CACNA2D3: variants seen among roughly 807,000 people sequenced by gnomAD.
The protein encoded by CACNA2D3 is voltage-dependent calcium channel subunit alpha-2/delta-3.
In CACNA2D3, 60 loss-of-function variants were observed where a neutral mutation model predicts 160.6. That is an observed-to-expected ratio of 0.37 (90% CI 0.30 to 0.46). The LOEUF (loss-of-function observed/expected upper bound fraction) is 0.46, where lower values mean the gene tolerates loss of function less well. Ranked by LOEUF, CACNA2D3 falls within the 20% of genes least tolerant of loss-of-function variation. The probability of loss-of-function intolerance (pLI) is 1.00; values close to 1 mark genes in which losing one functional copy is unlikely to be tolerated. For missense variants in CACNA2D3, 1,205 were observed against 1,365.0 expected (o/e 0.88, Z 1.85); for synonymous variants, 558 against 492.9 (o/e 1.13, Z -1.75).
intron 14 of CACNA2D3, among the ~76,000 whole-genome samples, chr3:54,821,641 G>GTTTCTTTCT (rs1204861925): frequency 2.0e-4 from 22 of 107,920 alleles, no homozygotes; most frequent in Non-Finnish European, 2.8e-4. Flanking sequence ...AGAGTCTTTC[G>GTTTCTTTCT]TTCTTTCTTT....
At chr3:54,475,477 A>G (rs2106884550) in intron 4 of CACNA2D3, among the ~76,000 whole-genome samples, 1 of 152,306 alleles carries the variant, frequency 6.6e-6, no homozygotes, top group Admixed American at 6.5e-5. Context: ...ATTTATTTAG[A>G]ACAAATGAAG....
chr3:54,192,869 C>A (rs1007947571), intron 2 of CACNA2D3, among the ~76,000 whole-genome samples: 1 of 152,148 alleles, frequency 6.6e-6, no homozygotes, highest in Admixed American at 6.5e-5. Flanking sequence ...CTGCTCATTC[C>A]TCAGGGAGAA....
intron 27 of CACNA2D3, among the ~76,000 whole-genome samples, chr3:54,933,161 A>T (rs1288778216): frequency 1.3e-5 from 2 of 151,798 alleles, no homozygotes; most frequent in Non-Finnish European, 2.9e-5. Flanking sequence ...TAAGAGATAG[A>T]AAAATAAGAA....
chr3:54,268,958 G>A (rs918294045), intron 2 of CACNA2D3, among the ~76,000 whole-genome samples: 1 of 152,212 alleles, frequency 6.6e-6, no homozygotes, highest in African/African-American at 2.4e-5. Context: ...GGAAAGCAGT[G>A]GATGGAGAAG....
At chr3:54,179,339 C>T (rs935821931) in intron 2 of CACNA2D3, among the ~76,000 whole-genome samples, 15 of 152,188 alleles carry the variant, frequency 9.9e-5, no homozygotes, top group Non-Finnish European at 1.8e-4. Context: ...GGCAGTCTTG[C>T]TCTCTTCTGG....
chr3:54,917,362 G>T (rs896880722), intron 27 of CACNA2D3, among the ~76,000 whole-genome samples: 1 of 152,160 alleles, frequency 6.6e-6, no homozygotes, highest in African/African-American at 2.4e-5. Context: ...ATAACATTGA[G>T]GATAGCTGCC....
intron 29 of CACNA2D3, among the ~76,000 whole-genome samples, chr3:54,970,349 A>G (rs1702240301): frequency 1.3e-5 from 2 of 151,956 alleles, no homozygotes; most frequent in African/African-American, 4.8e-5. Context: ...TCTTTGTAGC[A>G]TACTGCTTCT....
chr3:54,406,807 A>C (rs978709619), intron 4 of CACNA2D3, among the ~76,000 whole-genome samples: 2 of 152,154 alleles, frequency 1.3e-5, no homozygotes, highest in African/African-American at 4.8e-5. Flanking sequence ...GTGAGTAGAT[A>C]GATTATAGCT....
chr3:54,186,008 A>G (rs79191304), intron 2 of CACNA2D3, among the ~76,000 whole-genome samples: 7,995 of 152,076 alleles, frequency 0.053, 210 homozygotes, highest in Admixed American at 0.091. Flanking sequence ...CCAGATCTCT[A>G]TTGTATCCTC....
At chr3:55,043,421 T>C (rs1704001774) in intron 35 of CACNA2D3, among the ~76,000 whole-genome samples, 1 of 146,312 alleles carries the variant, frequency 6.8e-6, no homozygotes, top group Non-Finnish European at 1.5e-5. Context: ...GATTTTAAGA[T>C]TCTTTTCATG....
chr3:54,933,286 A>G (rs1486453238), intron 27 of CACNA2D3, among the ~76,000 whole-genome samples: 1 of 152,354 alleles, frequency 6.6e-6, no homozygotes, highest in Non-Finnish European at 1.5e-5. Context: ...TATTTTAACA[A>G]ACAACACCCA....
intron 2 of CACNA2D3, among the ~76,000 whole-genome samples, chr3:54,135,108 G>A (rs1699791776): frequency 6.6e-6 from 1 of 152,268 alleles, no homozygotes; most frequent in African/African-American, 2.4e-5. Context: ...TTCACATGGG[G>A]TTGAGGCCCT....
chr3:55,023,706 T>G (rs1298241454), intron 35 of CACNA2D3, among the ~76,000 whole-genome samples: 1 of 152,154 alleles, frequency 6.6e-6, no homozygotes, highest in South Asian at 2.1e-4. Context: ...GCTTCTATCA[T>G]GTATCCTATT....
In CACNA2D3 at chr3:54,503,549, G is replaced by A; in HGVS notation, c.439G>A (p.Glu147Lys). The A allele has an allele frequency of 1.9e-6, 3 of 1,613,830 alleles. No homozygotes were observed. Among genetic ancestry groups the A allele is most frequent in the Non-Finnish European group, 2.5e-6 (3 of 1,179,742 alleles). Residue 147 changes from glutamate to lysine, a missense_variant, in exon 5 of 38, where the codon GAG becomes AAG. Physicochemically the swap from Glu to Lys is moderately conservative, Grantham distance 56. Transcript: ENST00000474759. ...AAGGGACAAAGACGGGAATTTTTTG[G>A]AGCTGGGAAAGGAATTCATCTTAGC... ...NERDKDGNFL[E>K]LGKEFILAPN... is the part of the protein sequence containing the mutation.
intron 13 of CACNA2D3, among the ~76,000 whole-genome samples, chr3:54,797,828 C>T (rs1240208692): frequency 6.6e-6 from 1 of 152,238 alleles, no homozygotes; most frequent in East Asian, 1.9e-4. Flanking sequence ...AGAGCTCTTA[C>T]ATCTAAAAAC....
At position 54,554,870 on chromosome 3, in the gene CACNA2D3, C is replaced by CTTTTTTTTTTTTTTTTTTTT. The variant is rs66526065; in HGVS notation, c.545-7928_545-7909dup. Among the ~76,000 whole-genome samples, 95 of 96,130 alleles carry CTTTTTTTTTTTTTTTTTTTT rather than the reference C, an allele frequency of 9.9e-4. 4 individuals carry two copies. Among genetic ancestry groups the CTTTTTTTTTTTTTTTTTTTT allele is most frequent in the African/African-American group, 1.4e-3 (34 of 23,612 alleles). The allele number at this position is 96,130 out of a possible 152,430, so 63.1% of individuals were successfully genotyped here. On this transcript the variant is annotated intron_variant, in intron 5 of 37. Coordinates refer to ENST00000474759, the MANE Select transcript of CACNA2D3 (RefSeq NM_018398.3). ...TTTCTTTTCTTTTCTCTCTCACTCT[C>CTTTTTTTTTTTTTTTTTTTT]TTTTTTTTTTTTTTTTTTTTTGGAG... is the stretch of plus-strand genomic sequence containing the variant.
At chr3:54,618,361 A>ATATATG (rs1698902578) in intron 9 of CACNA2D3, among the ~76,000 whole-genome samples, 1 of 92,124 alleles carries the variant, frequency 1.1e-5, no homozygotes, top group African/African-American at 4.3e-5. Flanking sequence ...ACATATATAT[A>ATATATG]TATATATATA....
At chr3:54,253,561 C>T (rs1702236739) in intron 2 of CACNA2D3, among the ~76,000 whole-genome samples, 1 of 152,120 alleles carries the variant, frequency 6.6e-6, no homozygotes, top group African/African-American at 2.4e-5. Flanking sequence ...TCACCTTCCA[C>T]CAGGGCCCAC....
At chr3:54,291,896 A>G (rs537117629) in intron 2 of CACNA2D3, among the ~76,000 whole-genome samples, 1 of 152,366 alleles carries the variant, frequency 6.6e-6, no homozygotes, top group African/African-American at 2.4e-5. Context: ...TTGAAATGTA[A>G]CACTTACAAT....
Sources: allele counts gnomAD v4.1 joint callset (sites outside exome capture counted in the v4.1 genomes callset), GRCh38; gene constraint gnomAD v4.1.1; transcripts MANE v1.5; gene names NCBI Gene and HGNC (gene_info 2026-07-23, HGNC 2026-07-21).